The following SERPINF1 variants were observed in gnomAD, a reference collection of about 807,000 sequenced individuals.
The protein encoded by SERPINF1 is serpin family F member 1.
SERPINF1 carries 29 observed loss-of-function variants against 37.3 expected under a neutral mutation model. The observed-to-expected ratio is 0.78, with a 90% CI of 0.58 to 1.06. The LOEUF (loss-of-function observed/expected upper bound fraction) is 1.06, where lower values mean the gene tolerates loss of function less well. Among genes scored for constraint, SERPINF1 ranks in the 50% least tolerant of loss-of-function variants. The probability of loss-of-function intolerance (pLI) is 0.00; values close to 1 mark genes in which losing one functional copy is unlikely to be tolerated. For missense variants in SERPINF1, 553 were observed against 532.2 expected, an observed-to-expected ratio of 1.04 and a Z score of -0.38; for synonymous variants, 281 against 227.9, an observed-to-expected ratio of 1.23 and a Z score of -2.10.
intron 3 of SERPINF1, 144 bp from the exon 4 acceptor site, chr17:1,770,885 T>A: frequency 1.9e-6 from 2 of 1,032,900 alleles, no homozygotes; most frequent in Non-Finnish European, 3.0e-6. Context: ...GAAAATTCCT[T>A]GGCCACCTAG....
chr17:1,775,628 C>A (rs182470717), intron 6 of SERPINF1, among the ~76,000 whole-genome samples: 1 of 151,772 alleles, frequency 6.6e-6, no homozygotes, highest in Non-Finnish European at 1.5e-5. Context: ...CCACAACCTC[C>A]GCCCCGCTGG....
rs367632472 is a variant in SERPINF1 at position 1,769,831 on chromosome 17, A to G, written c.85-21A>G. 2.5e-6 allele frequency: 4 copies of G among 1,614,098 alleles called. No individual in the cohort carries two copies. In the East Asian group the frequency reaches 8.9e-5, roughly 36 times the overall value. ...CTGCGAGTCCCTGAACTCAAACCCA[A>G]GACTTCCTGTCTCCTGCCAGGGCTC... On this transcript the variant is annotated intron_variant, in intron 2 of 7. Transcript: ENST00000254722.
chr17:1,768,649 G>A (rs2151206513), intron 2 of SERPINF1, among the ~76,000 whole-genome samples: 1 of 150,720 alleles, frequency 6.6e-6, no homozygotes, highest in East Asian at 2.0e-4. Flanking sequence ...AATTTTTTGG[G>A]TATTTTTAGT....
chr17:1,766,653 A>C, intron 1 of SERPINF1: 1 of 422,814 alleles, frequency 2.4e-6, no homozygotes, highest in Non-Finnish European at 4.2e-6. Context: ...ACAAAAGCAC[A>C]AGCTTATGGT....
chr17:1,767,011 G>A lies in SERPINF1; in HGVS notation c.84+17G>A. The A allele has an allele frequency of 1.9e-6, 3 of 1,547,654 alleles. No homozygotes were observed. Among genetic ancestry groups the A allele is most frequent in the Non-Finnish European group, 2.6e-6 (3 of 1,144,658 alleles). ...CCGGAGGAGGTCAGTAGGCAGGCGG[G>A]GAGGGCGTGGTCAGCATTCCCCGCC... On this transcript the variant is annotated intron_variant, in intron 2 of 7. Transcript: ENST00000254722.
chr17:1,768,972 A>T (rs908088448), intron 2 of SERPINF1, among the ~76,000 whole-genome samples: 1 of 150,284 alleles, frequency 6.7e-6, no homozygotes, highest in East Asian at 2.0e-4. Flanking sequence ...TGCCCCGTTA[A>T]TTTTTTTGTA....
At chr17:1,768,694 C>T (rs1907539233) in intron 2 of SERPINF1, among the ~76,000 whole-genome samples, 1 of 151,922 alleles carries the variant, frequency 6.6e-6, no homozygotes, top group Non-Finnish European at 1.5e-5. Context: ...TCAGGTTGGT[C>T]TGAAACTCCT....
rs1908106014 is a variant in SERPINF1, at chr17:1,777,357, C to T, written c.1168C>T (p.Leu390Phe). The change falls in exon 8 of 8, where the codon CTT becomes TTT. Residue 390 changes from leucine to phenylalanine, a missense_variant. Transcript: ENST00000254722. ...AHLTFPLDYH[L>F]NQPFIFVLRD... ...CCTCACCTTCCCGCTGGACTATCACCTTAACCAGCCTTTCATCTTCGTACT... is the reference window on the plus strand; with the variant it reads ...CCTCACCTTCCCGCTGGACTATCACTTTAACCAGCCTTTCATCTTCGTACT... The T allele has an allele frequency of 1.2e-6, 2 of 1,614,034 alleles. No homozygotes were observed. The highest frequency in any genetic ancestry group is 2.7e-5 in the African/African-American group (2 of 74,922).
At chr17:1,777,128 C>T (rs191898744) in intron 7 of SERPINF1, 59 bp from the exon 8 acceptor site, 3 of 1,613,262 alleles carry the variant, frequency 1.9e-6, no homozygotes, top group Non-Finnish European at 2.5e-6. Context: ...AAAGGGATCC[C>T]TTGGTTGGGG....
At chr17:1,764,431 C>A (rs1431597946) in intron 1 of SERPINF1, among the ~76,000 whole-genome samples, 7 of 152,328 alleles carry the variant, frequency 4.6e-5, no homozygotes, top group Admixed American at 1.3e-4. Context: ...CTGTCTTGCG[C>A]TGCAGAAAGC....
chr17:1,770,649 G>A (rs1005902601), intron 3 of SERPINF1: 9 of 287,512 alleles, frequency 3.1e-5, no homozygotes, highest in Non-Finnish European at 6.1e-5. Context: ...TAGTAGAGAC[G>A]GGGTTTCACC....
chr17:1,763,717 G>A (rs938957907), intron 1 of SERPINF1, among the ~76,000 whole-genome samples: 1 of 152,192 alleles, frequency 6.6e-6, no homozygotes, highest in Non-Finnish European at 1.5e-5. Context: ...CTAGCTCGGG[G>A]CCACCTTTGG....
chr17:1,766,848 CG>C (rs1410576629), intron 1 of SERPINF1, 54 bp from the exon 2 acceptor site: 1 of 1,498,442 alleles, frequency 6.7e-7, no homozygotes, highest in African/African-American at 1.4e-5. Flanking sequence ...GAAGGGGTAG[CG>C]GGGCAGTGCA....
At position 1,777,207 on chromosome 17, in the gene SERPINF1, T is replaced by C; in HGVS notation, c.1018T>C (p.Ser340Pro). The C allele has an allele frequency of 6.2e-7, 1 of 1,614,066 alleles. No homozygotes were observed. Among genetic ancestry groups the C allele is most frequent in the African/African-American group, 1.3e-5 (1 of 74,996 alleles). The change falls in exon 8 of 8, where the codon TCA (serine) becomes CCA (proline). Residue 340 changes from serine (S) to proline (P), a missense_variant. By Grantham distance (74) the Ser-to-Pro change is moderately conservative. Transcript: ENST00000254722. ...QEMKLQSLFDSPDFSKITGKP... is the reference protein window; with the variant it reads ...QEMKLQSLFDPPDFSKITGKP... ...TACAGAGCTGCAATCCTTGTTTGATTCACCAGACTTTAGCAAGATCACAGG... is the reference window on the plus strand; with the variant it reads ...TACAGAGCTGCAATCCTTGTTTGATCCACCAGACTTTAGCAAGATCACAGG...
chr17:1,776,032 A>C (rs967328924), intron 6 of SERPINF1, among the ~76,000 whole-genome samples: 2 of 152,032 alleles, frequency 1.3e-5, no homozygotes, highest in African/African-American at 4.8e-5. Context: ...GATCCCTGAC[A>C]CCATCTGTTC....
At chr17:1,766,827 G>A (rs955933498) in intron 1 of SERPINF1, 76 bp from the exon 2 acceptor site, 2 of 1,398,794 alleles carry the variant, frequency 1.4e-6, no homozygotes, top group African/African-American at 2.9e-5. Flanking sequence ...GGTCCTGGCT[G>A]GGGTGGCCAG....
chr17:1,777,178 T>C lies in SERPINF1; in HGVS notation c.998-9T>C. ...GGGTTTTAACGGAAATCTCTCTCCA[T>C]CTCTACAGAGCTGCAATCCTTGTTT... On this transcript the variant is annotated splice_polypyrimidine_tract_variant and intron_variant, in intron 7 of 7. Coordinates refer to ENST00000254722, the MANE Select transcript of SERPINF1 (RefSeq NM_002615.7). 6.2e-7 allele frequency: 1 copy of C among 1,613,994 alleles called. No individual in the cohort carries two copies. The highest frequency in any genetic ancestry group is 1.3e-5 in the African/African-American group (1 of 74,976).
At chr17:1,775,007 CTG>C (rs1238315692) in intron 5 of SERPINF1, 49 bp from the exon 6 acceptor site, 2 of 1,613,060 alleles carry the variant, frequency 1.2e-6, no homozygotes, top group South Asian at 2.2e-5. Flanking sequence ...CATGGCGCCA[CTG>C]TCTTTCTGGT....
chr17:1,777,538 G>T lies in SERPINF1; in HGVS notation c.*92G>T, dbSNP rs551527709. On this transcript the variant is annotated 3_prime_UTR_variant, in exon 8 of 8. Coordinates refer to ENST00000254722, the MANE Select transcript of SERPINF1 (RefSeq NM_002615.7). ...AAGGCTGCCCCTGTAAGGTTTCAAT[G>T]CATACAATAAAAGAGCTTTATCCCT... 8 of 1,499,770 alleles carry T rather than the reference G, an allele frequency of 5.3e-6. No individual in the cohort carries two copies. In the Admixed American group the frequency reaches 1.4e-4, roughly 26 times the overall value. 92.9% of individuals were successfully genotyped at this position (1,499,770 alleles called of 1,614,324 possible). A position where few individuals can be genotyped will look rare whatever the true frequency, so the allele number is the denominator to read the frequency against.
Sources: gnomAD v4.1 joint callset for allele counts (sites outside exome capture counted in the v4.1 genomes callset) on GRCh38, gnomAD v4.1.1 for gene constraint, MANE v1.5 for transcripts, NCBI Gene and HGNC (gene_info 2026-07-23, HGNC 2026-07-21) for gene names.